ZNF286A: variants seen among roughly 807,000 people sequenced by gnomAD.
The protein encoded by ZNF286A is zinc finger protein ZNF286.
A neutral mutation model predicts 49.3 loss-of-function variants in ZNF286A; 34 were observed. The observed-to-expected ratio is 0.69, with a 90% CI of 0.52 to 0.92. The LOEUF (loss-of-function observed/expected upper bound fraction) is 0.92, where lower values mean the gene tolerates loss of function less well. ZNF286A is among the 40% of genes least tolerant of loss of function. The pLI is 0.00. For missense variants in ZNF286A, 462 were observed against 600.2 expected, an observed-to-expected ratio of 0.77 and a Z score of 2.41; for synonymous variants, 155 against 200.4, an observed-to-expected ratio of 0.77 and a Z score of 1.91.
At position 15,716,392 on chromosome 17, in the gene ZNF286A, G is replaced by T. The variant is rs1439300695; in HGVS notation, c.668G>T (p.Ser223Ile). The change falls in exon 6 of 6, where the codon AGC becomes ATC. Residue 223 changes from serine (S) to isoleucine (I), a missense_variant. This residue lies in a region of ZNF286A where 259 missense variants were observed against 272.2 expected (regional missense o/e 0.95). Coordinates refer to ENST00000583566, the MANE Select transcript of ZNF286A (RefSeq NM_001130842.2). ...TATGCCTTCCATACACTTGAAAAAA[G>T]CTTGAAACAAAAATCAAACTTAATG... ...GSYAFHTLEKSLKQKSNLMKK... is the reference protein window; with the variant it reads ...GSYAFHTLEKILKQKSNLMKK... The T allele has an allele frequency of 1.2e-6, 2 of 1,613,276 alleles. No individual in the cohort carries two copies. Among genetic ancestry groups the T allele is most frequent in the African/African-American group, 2.7e-5 (2 of 74,774 alleles).
rs1989752740 is a variant in ZNF286A at position 15,701,236 on chromosome 17, C to T, written c.122C>T (p.Ser41Phe). 1 of 1,614,034 alleles carries T rather than the reference C, an allele frequency of 6.2e-7. No homozygotes were observed. The highest frequency in any genetic ancestry group is 8.5e-7 in the Non-Finnish European group (1 of 1,179,994). The change falls in exon 3 of 6, where the codon TCC becomes TTC. Residue 41 changes from serine (S) to phenylalanine (F), a missense_variant. This residue lies in a region of ZNF286A where 259 missense variants were observed against 272.2 expected (regional missense o/e 0.95). Transcript: ENST00000583566. The part of the protein sequence containing the change: ...EVAALRLTAR[S>F]QETVTFKDVA... Reference sequence around the variant, plus strand: ...GCTGCTCTGCGCCTCACGGCCAGATCCCAGGTGAGTGAGTGCTGATTATTG... The same window carrying T: ...GCTGCTCTGCGCCTCACGGCCAGATTCCAGGTGAGTGAGTGCTGATTATTG...
chr17:15,703,690 G>T (rs1334065824), intron 3 of ZNF286A, among the ~76,000 whole-genome samples: 1 of 152,120 alleles, frequency 6.6e-6, no homozygotes, highest in Admixed American at 6.5e-5. Context: ...TATTTTGTTT[G>T]GATGGCCTAT....
chr17:15,702,081 C>T (rs1989817317), intron 3 of ZNF286A, among the ~76,000 whole-genome samples: 1 of 149,642 alleles, frequency 6.7e-6, no homozygotes, highest in Non-Finnish European at 1.5e-5. Flanking sequence ...GAGATCGCAC[C>T]ACTGCATTCC....
chr17:15,709,761 G>A lies in ZNF286A; in HGVS notation c.334+1514G>A, dbSNP rs555507062. On this transcript the variant is annotated intron_variant, in intron 5 of 5. Transcript: ENST00000583566. ...TTATGTTATTCATTTTAACTACTGT[G>A]GAGTCATAAGTCCACTGTATGAATA... 2.3e-3 allele frequency: 3,464 copies of A among 1,504,382 alleles called. 11 individuals are homozygous for A. The highest frequency in any genetic ancestry group is 2.9e-3 in the Non-Finnish European group (3,230 of 1,117,560). 93.2% of individuals were successfully genotyped at this position (1,504,382 alleles called of 1,614,324 possible). A position where few individuals can be genotyped will look rare whatever the true frequency, so the allele number is the denominator to read the frequency against.
At chr17:15,699,833 C>A in intron 1 of ZNF286A, 56 bp downstream of exon 1, 1 of 702,678 alleles carries the variant, frequency 1.4e-6, no homozygotes, top group Non-Finnish European at 2.6e-6. Context: ...GGTGGTTCCC[C>A]GGGTCGTTCT....
chr17:15,714,125 T>TAAAATTCAATG (rs1966902154), intron 5 of ZNF286A, among the ~76,000 whole-genome samples: 1 of 152,134 alleles, frequency 6.6e-6, no homozygotes, highest in African/African-American at 2.4e-5. Context: ...CTTCAAGGAT[T>TAAAATTCAATG]AAAATTCAAT....
At chr17:15,706,251 A>G in intron 3 of ZNF286A, 136 bp from the exon 4 acceptor site, 1 of 663,936 alleles carries the variant, frequency 1.5e-6, no homozygotes, top group Non-Finnish European at 2.7e-6. Context: ...GACGACCATT[A>G]GAATACTTGT....
chr17:15,702,077 G>A (rs1034997429), intron 3 of ZNF286A, among the ~76,000 whole-genome samples: 7 of 149,890 alleles, frequency 4.7e-5, no homozygotes, highest in South Asian at 2.1e-4. Context: ...ATCCGAGATC[G>A]CACCACTGCA....
chr17:15,717,561 G>A lies in ZNF286A; in HGVS notation c.*271G>A, dbSNP rs72821704. 2,032 of 493,312 alleles carry A rather than the reference G, an allele frequency of 4.1e-3. 7 individuals are homozygous for A. Among genetic ancestry groups the A allele is most frequent in the Middle Eastern group, 7.4e-3 (13 of 1,768 alleles). The allele number at this position is 493,312 out of a possible 1,614,324, so 30.6% of individuals were successfully genotyped here. ...AAATTCAAGAAGTCCCTGAGAGTAG[G>A]TAGCAGTACGAACATTGTGAAATCC... is the stretch of plus-strand genomic sequence containing the variant. On this transcript the variant is annotated 3_prime_UTR_variant, in exon 6 of 6. Coordinates refer to ENST00000583566, the MANE Select transcript of ZNF286A (RefSeq NM_001130842.2).
At position 15,719,111 on chromosome 17, in the gene ZNF286A, G is replaced by T. The variant is rs1167330055; in HGVS notation, c.*1821G>T. ...CAATTAAACATGAGATTTGGGTGGG[G>T]ATACAGATCTAAACTGTATCATTAC... On this transcript the variant is annotated 3_prime_UTR_variant, in exon 6 of 6. Coordinates refer to ENST00000583566, the MANE Select transcript of ZNF286A (RefSeq NM_001130842.2). 1.0e-5 allele frequency: 1 copy of T among 99,944 alleles called. No homozygotes were observed. The highest frequency in any genetic ancestry group is 4.4e-5 in the African/African-American group (1 of 22,484). The allele number at this position is 99,944 out of a possible 1,614,324, so 6.2% of individuals were successfully genotyped here. A position where few individuals can be genotyped will look rare whatever the true frequency, so the allele number is the denominator to read the frequency against.
At position 15,717,929 on chromosome 17, in the gene ZNF286A, G is replaced by GGTTT. The variant is rs1259365156; in HGVS notation, c.*639_*640insGTTT. 1 of 59,848 alleles carries GGTTT rather than the reference G, an allele frequency of 1.7e-5. No individual in the cohort carries two copies. Among genetic ancestry groups the GGTTT allele is most frequent in the African/African-American group, 8.2e-5 (1 of 12,166 alleles). The allele number at this position is 59,848 out of a possible 1,614,324, so 3.7% of individuals were successfully genotyped here. On this transcript the variant is annotated 3_prime_UTR_variant, in exon 6 of 6. Coordinates refer to ENST00000583566, the MANE Select transcript of ZNF286A (RefSeq NM_001130842.2). ...GTTCACATGGATTATGTACATCATTGATTTTTTTTTTTTTTTTTTTTTGAG... is the reference window on the plus strand; with the variant it reads ...GTTCACATGGATTATGTACATCATTGGTTTATTTTTTTTTTTTTTTTTTTTTGAG...
intron 5 of ZNF286A, among the ~76,000 whole-genome samples, chr17:15,713,972 G>C (rs1191607928): frequency 6.6e-6 from 1 of 151,942 alleles, no homozygotes; most frequent in East Asian, 1.9e-4. Context: ...TAAAATGGTG[G>C]TCTGTGAAAC....
Position 15,717,604 on chromosome 17 carries a change from T to C in ZNF286A, c.*314T>C, listed in dbSNP as rs1305093717. On this transcript the variant is annotated 3_prime_UTR_variant, in exon 6 of 6. Coordinates refer to ENST00000583566, the MANE Select transcript of ZNF286A (RefSeq NM_001130842.2). Reference sequence around the variant, plus strand: ...TGAAATCCAGTTTTCCCCTCTCTTGTTTATGTCAGAGCTTTGTTGTAAGCC... The same window carrying C: ...TGAAATCCAGTTTTCCCCTCTCTTGCTTATGTCAGAGCTTTGTTGTAAGCC... 14 of 315,324 alleles carry C rather than the reference T, an allele frequency of 4.4e-5. No homozygotes were observed. In the Admixed American group the frequency reaches 6.6e-4, roughly 15 times the overall value. The allele number at this position is 315,324 out of a possible 1,614,324, so 19.5% of individuals were successfully genotyped here.
chr17:15,704,463 A>G (rs62071718), intron 3 of ZNF286A: 706,448 of 1,576,862 alleles, frequency 0.45, 156,939 homozygotes, highest in Middle Eastern at 0.46. Context: ...GACGGGCCCG[A>G]GCCGCATACT....
intron 3 of ZNF286A, chr17:15,704,368 G>A: frequency 1.2e-6 from 2 of 1,610,370 alleles, no homozygotes; most frequent in Non-Finnish European, 1.7e-6. Flanking sequence ...GTCGGTGGAG[G>A]AAGCTGCAGT....
intron 3 of ZNF286A, 40 bp downstream of exon 3, chr17:15,701,280 T>C (rs1213890139): frequency 1.9e-6 from 3 of 1,603,708 alleles, no homozygotes; most frequent in Non-Finnish European, 2.6e-6. Context: ...CCTTGTTTCT[T>C]AGAGTACAGA....
chr17:15,716,401 A>G lies in ZNF286A; in HGVS notation c.677A>G (p.Gln226Arg). Residue 226 changes from glutamine (Q) to arginine (R), a missense_variant, in exon 6 of 6, where the codon CAA becomes CGA. By Grantham distance (43) the Gln-to-Arg change is conservative (BLOSUM62 1). Around this residue, in one of 3 missense-constraint regions of ZNF286A, gnomAD observed 259 missense variants for 272.2 expected, o/e 0.95. Coordinates refer to ENST00000583566, the MANE Select transcript of ZNF286A (RefSeq NM_001130842.2). The part of the protein sequence containing the change: ...AFHTLEKSLK[Q>R]KSNLMKKQRT... ...CATACACTTGAAAAAAGCTTGAAAC[A>G]AAAATCAAACTTAATGAAAAAGCAG... 6.2e-7 allele frequency: 1 copy of G among 1,613,512 alleles called. No individual in the cohort carries two copies. The highest frequency in any genetic ancestry group is 8.5e-7 in the Non-Finnish European group (1 of 1,179,828).
rs1026820909 is a variant in ZNF286A at position 15,699,754 on chromosome 17, C to T, written c.-219C>T. ...CCGAGCTGGCCAAAGAAGTTCGTCC[C>T]CTTTGTGAGGCCCGGGATGGGAGGT... On this transcript the variant is annotated 5_prime_UTR_variant, in exon 1 of 6. Coordinates refer to ENST00000583566, the MANE Select transcript of ZNF286A (RefSeq NM_001130842.2). 1.4e-6 allele frequency: 1 copy of T among 702,894 alleles called. No homozygotes were observed. The highest frequency in any genetic ancestry group is 1.5e-5 in the South Asian group (1 of 67,594). The allele number at this position is 702,894 out of a possible 1,614,324, so 43.5% of individuals were successfully genotyped here.
rs1434023692 is a variant in ZNF286A at position 15,718,820 on chromosome 17, T to C, written c.*1530T>C. 3 of 145,876 alleles carry C rather than the reference T, an allele frequency of 2.1e-5. No individual in the cohort carries two copies. The highest frequency in any genetic ancestry group is 8.0e-5 in the African/African-American group (3 of 37,674). 9.0% of individuals were successfully genotyped at this position (145,876 alleles called of 1,614,324 possible). A position where few individuals can be genotyped will look rare whatever the true frequency, so the allele number is the denominator to read the frequency against. On this transcript the variant is annotated 3_prime_UTR_variant, in exon 6 of 6. Coordinates refer to ENST00000583566, the MANE Select transcript of ZNF286A (RefSeq NM_001130842.2). ...AAAAAAGGTTTAATTGGCTCATGGT[T>C]CCATGGGCTGTACAGGAAGTATGAC... is the stretch of plus-strand genomic sequence containing the variant.
Sources: allele counts gnomAD v4.1 joint callset (sites outside exome capture counted in the v4.1 genomes callset), GRCh38; gene constraint gnomAD v4.1.1; regional missense constraint gnomAD v4.1.1; transcripts MANE v1.5; gene names NCBI Gene and HGNC (gene_info 2026-07-23, HGNC 2026-07-21).